Variants in DAPK1 observed in about 807,000 individuals in gnomAD.
DAPK1 encodes death-associated protein kinase 1.
In DAPK1, 56 loss-of-function variants were observed where a neutral mutation model predicts 144.9. The observed-to-expected ratio is 0.39, with a 90% CI of 0.31 to 0.48. The LOEUF (loss-of-function observed/expected upper bound fraction) is 0.48. DAPK1 is among the 20% of genes least tolerant of loss of function. The probability of loss-of-function intolerance (pLI) is 0.95; values close to 1 mark genes in which losing one functional copy is unlikely to be tolerated. For missense variants in DAPK1, 1,454 were observed against 1,875.4 expected (o/e 0.78, Z 4.15); for synonymous variants, 690 against 749.0 (o/e 0.92, Z 1.29).
At chr9:87,689,609 T>C (rs1048923201) in intron 21 of DAPK1, among the ~76,000 whole-genome samples, 10 of 152,102 alleles carry the variant, frequency 6.6e-5, no homozygotes, top group African/African-American at 2.2e-4. Flanking sequence ...TCCTGAAGCC[T>C]GTCCTCTTCT....
chr9:87,571,483 A>C lies in DAPK1; in HGVS notation c.63-33471A>C, dbSNP rs1394618620. Among the ~76,000 whole-genome samples the C allele has an allele frequency of 2.1e-3, 109 of 51,982 alleles. 16 individuals carry two copies. The Middle Eastern group carries it at 0.023, about 11-fold the overall frequency. The allele number at this position is 51,982 out of a possible 152,430, so 34.1% of individuals were successfully genotyped here. The stretch of plus-strand genomic sequence containing the variant: ...CACACACACACACACACCAACACAC[A>C]CACACACACACCCCAACACACACAC... On this transcript the variant is annotated intron_variant, in intron 2 of 25. Transcript: ENST00000408954.
intron 2 of DAPK1, among the ~76,000 whole-genome samples, chr9:87,529,097 G>A (rs914738944): frequency 6.6e-6 from 1 of 152,146 alleles, no homozygotes; most frequent in Non-Finnish European, 1.5e-5. Context: ...AGAATCAGGG[G>A]AGAAGGGGCA....
chr9:87,557,331 T>C (rs1826755382), intron 2 of DAPK1, among the ~76,000 whole-genome samples: 1 of 152,216 alleles, frequency 6.6e-6, no homozygotes, highest in Non-Finnish European at 1.5e-5. Context: ...CCCTTTGTCC[T>C]GTACCTTCCT....
In DAPK1 at chr9:87,702,574, G is replaced by T. The variant is rs10115572; in HGVS notation, c.2872-455G>T. ...AAAGTGAGGGAGTGAAACATTAGGAGTTGGTGAACATTAGTTGATTGAGTG... is the reference window on the plus strand; with the variant it reads ...AAAGTGAGGGAGTGAAACATTAGGATTTGGTGAACATTAGTTGATTGAGTG... On this transcript the variant is annotated intron_variant, in intron 24 of 25. Transcript: ENST00000408954. Among the ~76,000 whole-genome samples the T allele has an allele frequency of 6.7e-3, 1,013 of 152,316 alleles. 13 individuals are homozygous for T. Among genetic ancestry groups the T allele is most frequent in the African/African-American group, 0.023 (944 of 41,562 alleles).
chr9:87,700,473 T>C lies in DAPK1; in HGVS notation c.2871+236T>C, dbSNP rs1245867472. ...ATTTTATGAAATTCTTACCGATTTATTGGTTTCTTTAACAATATTTTATTT... is the reference window on the plus strand; with the variant it reads ...ATTTTATGAAATTCTTACCGATTTACTGGTTTCTTTAACAATATTTTATTT... On this transcript the variant is annotated intron_variant, in intron 24 of 25. Transcript: ENST00000408954. Among the ~76,000 whole-genome samples, 3 of 152,296 alleles carry C rather than the reference T, an allele frequency of 2.0e-5. No homozygotes were observed. The East Asian group carries it at 5.8e-4, about 29-fold the overall frequency.
At chr9:87,557,242 A>G (rs2058883) in intron 2 of DAPK1, among the ~76,000 whole-genome samples, 120,355 of 152,082 alleles carry the variant, frequency 0.79, 48,213 homozygotes, top group African/African-American at 0.91. Flanking sequence ...AGGCAGCCCC[A>G]TGAGGAATGC....
intron 18 of DAPK1, among the ~76,000 whole-genome samples, chr9:87,661,845 A>G (rs575318888): frequency 2.0e-5 from 3 of 152,196 alleles, no homozygotes; most frequent in Non-Finnish European, 2.9e-5. Context: ...CTGTTCGTCT[A>G]TTTTTAGTTA....
At chr9:87,545,161 A>C (rs1015928355) in intron 2 of DAPK1, among the ~76,000 whole-genome samples, 1 of 152,224 alleles carries the variant, frequency 6.6e-6, no homozygotes, top group Non-Finnish European at 1.5e-5. Flanking sequence ...ACCAGCTGCC[A>C]AAGTGCTTAA....
rs36208062 is a variant in DAPK1 at position 87,615,575 on chromosome 9, C to G, written c.284+10400C>G. On this transcript the variant is annotated intron_variant, in intron 3 of 25. Transcript: ENST00000408954. ...ATTATTTCAAAAATGTAGGGTAGAA[C>G]GTTCACTACTTTTAAGGCACTTGCA... 5.7e-4 allele frequency among the ~76,000 whole-genome samples: 87 copies of G among 152,326 alleles called. No individual in the cohort carries two copies. In the East Asian group the frequency reaches 0.016, roughly 29 times the overall value.
At chr9:87,691,294 A>G (rs12000080) in intron 21 of DAPK1, among the ~76,000 whole-genome samples, 9,544 of 151,814 alleles carry the variant, frequency 0.063, 1,046 homozygotes, top group African/African-American at 0.22. Context: ...GTTCATAATA[A>G]CCTCTGATGA....
intron 2 of DAPK1, among the ~76,000 whole-genome samples, chr9:87,571,460 CACACACACACACA>C (rs1827333272): frequency 6.0e-5 from 4 of 66,130 alleles, no homozygotes; most frequent in Admixed American, 5.7e-4. Context: ...CACACACACA[CACACACACACACA>C]CCAACACACA....
intron 2 of DAPK1, among the ~76,000 whole-genome samples, chr9:87,597,916 G>A (rs940621858): frequency 3.3e-5 from 5 of 152,176 alleles, no homozygotes; most frequent in African/African-American, 1.2e-4. Context: ...CACAGCCTAG[G>A]AGGCCAGCTT....
At chr9:87,658,879 G>T (rs1381214597) in intron 18 of DAPK1, among the ~76,000 whole-genome samples, 1 of 152,238 alleles carries the variant, frequency 6.6e-6, no homozygotes, top group Non-Finnish European at 1.5e-5. Flanking sequence ...ACTGACAGAG[G>T]GTGATTCTCT....
intron 21 of DAPK1, among the ~76,000 whole-genome samples, chr9:87,692,779 A>C (rs1003938613): frequency 4.6e-5 from 7 of 151,914 alleles, no homozygotes; most frequent in African/African-American, 1.7e-4. Flanking sequence ...TTTGGGGAAG[A>C]CTTTATTTCT....
intron 2 of DAPK1, among the ~76,000 whole-genome samples, chr9:87,596,903 G>A (rs1266157922): frequency 6.6e-6 from 1 of 152,182 alleles, no homozygotes; most frequent in African/African-American, 2.4e-5. Flanking sequence ...TTTTGCCTGG[G>A]TCTCTCAGGT....
At chr9:87,571,835 G>T (rs948288139) in intron 2 of DAPK1, among the ~76,000 whole-genome samples, 8 of 152,228 alleles carry the variant, frequency 5.3e-5, no homozygotes, top group Non-Finnish European at 5.9e-5. Flanking sequence ...CTGGGATGGG[G>T]ACATGGGGGT....
At chr9:87,552,538 G>GA (rs1026791491) in intron 2 of DAPK1, among the ~76,000 whole-genome samples, 2 of 151,452 alleles carry the variant, frequency 1.3e-5, no homozygotes, top group African/African-American at 2.4e-5. Flanking sequence ...AGTACAGACA[G>GA]AAAAAAAATC....
intron 19 of DAPK1, among the ~76,000 whole-genome samples, chr9:87,670,867 A>C (rs1212318021): frequency 6.6e-6 from 1 of 152,126 alleles, no homozygotes; most frequent in Non-Finnish European, 1.5e-5. Flanking sequence ...CGGGAAACCC[A>C]CCTCATGCAG....
chr9:87,543,807 T>C (rs941102761), intron 2 of DAPK1, among the ~76,000 whole-genome samples: 1 of 152,164 alleles, frequency 6.6e-6, no homozygotes, highest in South Asian at 2.1e-4. Context: ...GAGGGTTTTG[T>C]TTTTTCTTTT....
Sources: allele counts gnomAD v4.1 joint callset (sites outside exome capture counted in the v4.1 genomes callset), GRCh38; gene constraint gnomAD v4.1.1; transcripts MANE v1.5; gene names NCBI Gene and HGNC (gene_info 2026-07-23, HGNC 2026-07-21).